Variants in GBF1 observed in about 807,000 individuals in gnomAD.
The protein encoded by GBF1 is Golgi-specific brefeldin A-resistance guanine nucleotide exchange factor 1.
A neutral mutation model predicts 210.5 loss-of-function variants in GBF1; 114 were observed. The observed-to-expected ratio is 0.54, with a 90% CI of 0.47 to 0.63. GBF1 has a LOEUF of 0.63. Ranked by LOEUF, GBF1 falls within the 30% of genes least tolerant of loss-of-function variation. GBF1 has a pLI of 0.00. For synonymous variants in GBF1, 850 were observed against 889.2 expected, an observed-to-expected ratio of 0.96 and a Z score of 0.78; for missense variants, 1,851 against 2,357.7, an observed-to-expected ratio of 0.79 and a Z score of 4.45.
intron 29 of GBF1, among the ~76,000 whole-genome samples, chr10:102,373,872 C>G (rs1253151262): frequency 6.6e-6 from 1 of 152,136 alleles, no homozygotes. Context: ...AAACTGGAAT[C>G]GGCCCAGATG....
chr10:102,233,195 C>T, the GBF1 span, among the ~76,000 whole-genome samples: 1 of 151,958 alleles, frequency 6.6e-6, no homozygotes, highest in South Asian at 2.1e-4. Flanking sequence ...GAGATTCGCT[C>T]AGGGACTCAG....
At chr10:102,377,219 C>T in intron 33 of GBF1, 79 bp downstream of exon 33, 2 of 1,188,972 alleles carry the variant, frequency 1.7e-6, no homozygotes, top group Non-Finnish European at 2.5e-6. Flanking sequence ...AAAGCCAGGG[C>T]TGAGGGGAAG....
chr10:102,271,760 A>AT (rs2074446451), intron 3 of GBF1, among the ~76,000 whole-genome samples: 1 of 151,948 alleles, frequency 6.6e-6, no homozygotes, highest in Non-Finnish European at 1.5e-5. Flanking sequence ...CATCATTACC[A>AT]TTATTTTTTG....
intron 3 of GBF1, among the ~76,000 whole-genome samples, chr10:102,301,702 C>T (rs1482171316): frequency 2.0e-5 from 3 of 149,634 alleles, no homozygotes; most frequent in Non-Finnish European, 3.0e-5. Context: ...ACATCTCAGA[C>T]GATGGGCGGC....
intron 3 of GBF1, among the ~76,000 whole-genome samples, chr10:102,327,457 G>A (rs75805294): frequency 0.019 from 2,963 of 152,316 alleles, 40 homozygotes; most frequent in South Asian, 0.073. Flanking sequence ...TTATAGGAAT[G>A]TATACAGCAG....
chr10:102,365,643 G>T (rs2059873611), intron 18 of GBF1, 44 bp downstream of exon 18: 2 of 1,508,606 alleles, frequency 1.3e-6, no homozygotes, highest in East Asian at 2.3e-5. Context: ...AGGTATGGTG[G>T]CTCATGCCTG....
intron 3 of GBF1, among the ~76,000 whole-genome samples, chr10:102,321,189 T>A (rs2056357304): frequency 6.6e-6 from 1 of 152,258 alleles, no homozygotes; most frequent in African/African-American, 2.4e-5. Context: ...GTCACAATTA[T>A]AATTAGTTAA....
At chr10:102,283,927 G>T (rs1281411091) in intron 3 of GBF1, among the ~76,000 whole-genome samples, 1 of 152,182 alleles carries the variant, frequency 6.6e-6, no homozygotes, top group South Asian at 2.1e-4. Flanking sequence ...CCAAGGAGGG[G>T]AGACTTTTTA....
At chr10:102,271,059 A>G (rs889708917) in intron 3 of GBF1, among the ~76,000 whole-genome samples, 1 of 150,910 alleles carries the variant, frequency 6.6e-6, no homozygotes, top group East Asian at 1.9e-4. Flanking sequence ...ATTTTTTGAG[A>G]TGGAGTCTTG....
At chr10:102,257,696 C>T (rs2072600154) in intron 1 of GBF1, among the ~76,000 whole-genome samples, 1 of 152,112 alleles carries the variant, frequency 6.6e-6, no homozygotes, top group Non-Finnish European at 1.5e-5. Flanking sequence ...TTTTCTTTAA[C>T]TTGAATCTTT....
intron 3 of GBF1, among the ~76,000 whole-genome samples, chr10:102,331,102 G>A (rs1443949486): frequency 6.6e-6 from 1 of 152,092 alleles, no homozygotes; most frequent in Non-Finnish European, 1.5e-5. Context: ...TTTTGACCCT[G>A]AAAAAATATA....
At position 102,293,764 on chromosome 10, in the gene GBF1, G is replaced by GT. The variant is rs1263151407; in HGVS notation, c.163+33652dup. ...AAAATATTTTGTACAGCTGTAGTAT[G>GT]TTTTGTGTTTTTTTTTTTTTTTTTT... On this transcript the variant is annotated intron_variant, in intron 3 of 39. Transcript: ENST00000369983. Among the ~76,000 whole-genome samples the GT allele has an allele frequency of 9.4e-4, 48 of 50,892 alleles. 12 individuals carry two copies. Among genetic ancestry groups the GT allele is most frequent in the Non-Finnish European group, 1.6e-3 (37 of 23,614 alleles). The allele number at this position is 50,892 out of a possible 152,430, so 33.4% of individuals were successfully genotyped here. A position where few individuals can be genotyped will look rare whatever the true frequency, so the allele number is the denominator to read the frequency against.
chr10:102,255,901 T>G (rs1231732619), intron 1 of GBF1, among the ~76,000 whole-genome samples: 2 of 152,218 alleles, frequency 1.3e-5, no homozygotes, highest in Admixed American at 6.5e-5. Flanking sequence ...ATAAATCTTG[T>G]GTTGGATTCC....
chr10:102,360,612 T>G (rs1180386129), intron 12 of GBF1, among the ~76,000 whole-genome samples: 1 of 152,188 alleles, frequency 6.6e-6, no homozygotes, highest in Non-Finnish European at 1.5e-5. Context: ...CTGGAAGCAA[T>G]GGACCTCAGT....
chr10:102,318,992 CAGG>C (rs2056121930), intron 3 of GBF1, among the ~76,000 whole-genome samples: 1 of 152,122 alleles, frequency 6.6e-6, no homozygotes. Context: ...GAAGCCAAGA[CAGG>C]AGGATCTGTT....
intron 3 of GBF1, among the ~76,000 whole-genome samples, chr10:102,283,179 A>G (rs1003484591): frequency 1.3e-5 from 2 of 152,216 alleles, no homozygotes; most frequent in African/African-American, 4.8e-5. Flanking sequence ...TAGGCAGTTT[A>G]TTGATACCCT....
chr10:102,238,744 A>G, the GBF1 span, among the ~76,000 whole-genome samples: 1 of 152,198 alleles, frequency 6.6e-6, no homozygotes, highest in Non-Finnish European at 1.5e-5. Flanking sequence ...TACACCTCTA[A>G]GAAGGCAGGA....
At chr10:102,308,790 G>A (rs1253578596) in intron 3 of GBF1, among the ~76,000 whole-genome samples, 1 of 151,556 alleles carries the variant, frequency 6.6e-6, no homozygotes, top group African/African-American at 2.4e-5. Context: ...ATGAGTTAAT[G>A]GGTGCAGCAC....
In GBF1 at chr10:102,382,052, A is replaced by G; in HGVS notation, c.5303-4A>G. ...TGACTGTAACCACCTTGCTTTCCCT[A>G]CAGACTTTGAGAAGCCCGAGAGCCC... On this transcript the variant is annotated splice_polypyrimidine_tract_variant and splice_region_variant and intron_variant, in intron 39 of 39. Coordinates refer to ENST00000369983, the MANE Select transcript of GBF1 (RefSeq NM_001377137.1). 1 of 1,531,702 alleles carries G rather than the reference A, an allele frequency of 6.5e-7. No homozygotes were observed. The highest frequency in any genetic ancestry group is 1.3e-5 in the South Asian group (1 of 77,450). The allele number at this position is 1,531,702 out of a possible 1,614,324, so 94.9% of individuals were successfully genotyped here.
Sources: allele counts gnomAD v4.1 joint callset (sites outside exome capture counted in the v4.1 genomes callset), GRCh38; gene constraint gnomAD v4.1.1; transcripts MANE v1.5; gene names NCBI Gene and HGNC (gene_info 2026-07-23, HGNC 2026-07-21).